LRRTM3: variants seen among roughly 807,000 people sequenced by gnomAD.
LRRTM3 encodes leucine-rich repeat transmembrane neuronal protein 3.
Under a neutral mutation model 44.7 loss-of-function variants are expected in LRRTM3, and 24 were observed. That is an observed-to-expected ratio of 0.54 (90% CI 0.39 to 0.76). LRRTM3 has a LOEUF of 0.76. Ranked by LOEUF, LRRTM3 falls within the 30% of genes least tolerant of loss-of-function variation. LRRTM3 has a pLI of 0.00. For synonymous variants in LRRTM3, 277 were observed against 278.7 expected, an observed-to-expected ratio of 0.99 and a Z score of 0.06; for missense variants, 587 against 702.2, an observed-to-expected ratio of 0.84 and a Z score of 1.85.
At chr10:67,056,892 A>C (rs1855464864) in intron 2 of LRRTM3, among the ~76,000 whole-genome samples, 1 of 152,184 alleles carries the variant, frequency 6.6e-6, no homozygotes, top group Admixed American at 6.6e-5. Flanking sequence ...GTGAGAGAGC[A>C]AGGATTATGT....
Position 67,100,320 on chromosome 10 carries a change from G to A in LRRTM3, c.*2524G>A, listed in dbSNP as rs1589738918. On this transcript the variant is annotated 3_prime_UTR_variant, in exon 3 of 3. Coordinates refer to ENST00000361320, the MANE Select transcript of LRRTM3 (RefSeq NM_178011.5). The stretch of plus-strand genomic sequence containing the variant: ...ACACCAAATACGCCAGGAATTTTGA[G>A]ACTTCTCATCTTTAAATTCAACCAA... 6.6e-6 allele frequency among the ~76,000 whole-genome samples: 1 copy of A among 151,638 alleles called. No individual in the cohort carries two copies. The highest frequency in any genetic ancestry group is 2.1e-4 in the South Asian group (1 of 4,830).
At chr10:67,096,667 T>C (rs184857381) in intron 2 of LRRTM3, among the ~76,000 whole-genome samples, 32 of 151,974 alleles carry the variant, frequency 2.1e-4, no homozygotes, top group Admixed American at 9.9e-4. Context: ...TATCTGATTA[T>C]ATTTCAGGCT....
chr10:67,044,425 T>G (rs1299723425), intron 2 of LRRTM3, among the ~76,000 whole-genome samples: 1 of 152,164 alleles, frequency 6.6e-6, no homozygotes, highest in Non-Finnish European at 1.5e-5. Context: ...TAATAAAAAC[T>G]TGCTTTTAAG....
At chr10:66,954,496 A>G (rs1387651385) in intron 2 of LRRTM3, among the ~76,000 whole-genome samples, 1 of 152,276 alleles carries the variant, frequency 6.6e-6, no homozygotes, top group African/African-American at 2.4e-5. Flanking sequence ...CGGTCCCGCA[A>G]TGGATTACAA....
intron 2 of LRRTM3, among the ~76,000 whole-genome samples, chr10:67,025,193 C>G (rs1209980113): frequency 2.0e-5 from 3 of 149,024 alleles, no homozygotes; most frequent in African/African-American, 7.4e-5. Context: ...AAAGAAACCA[C>G]AAGAAATATT....
chr10:66,989,522 G>A lies in LRRTM3; in HGVS notation c.1536+61070G>A, dbSNP rs2132927052. ...ATGGTTTGATTGTTATATATGTTTG[G>A]TCATGTGGGATTAGCCTGATACATG... On this transcript the variant is annotated intron_variant, in intron 2 of 2. Coordinates refer to ENST00000361320, the MANE Select transcript of LRRTM3 (RefSeq NM_178011.5). Among the ~76,000 whole-genome samples, 3 of 152,186 alleles carry A rather than the reference G, an allele frequency of 2.0e-5. No individual in the cohort carries two copies. In the South Asian group the frequency reaches 6.2e-4, roughly 32 times the overall value.
intron 2 of LRRTM3, among the ~76,000 whole-genome samples, chr10:67,030,106 ATC>A (rs576570822): frequency 6.6e-6 from 1 of 152,246 alleles, no homozygotes; most frequent in Non-Finnish European, 1.5e-5. Context: ...CATCAAAATA[ATC>A]TGTTTTCAAA....
chr10:67,007,610 C>CT (rs957197890), intron 2 of LRRTM3, among the ~76,000 whole-genome samples: 1 of 151,882 alleles, frequency 6.6e-6, no homozygotes, highest in African/African-American at 2.4e-5. Flanking sequence ...AAGGTAAAGG[C>CT]TTTTTTCTGA....
Position 66,928,250 on chromosome 10 carries a change from A to G in LRRTM3, c.1334A>G (p.Tyr445Cys). ...GTTATCTACGTGTCATGGAAGCGGT[A>G]CCCTGCGAGCATGAAGCAGCTGCAG... ...LLVIYVSWKR[Y>C]PASMKQLQQR... The change falls in exon 2 of 3, where the codon TAC (tyrosine) becomes TGC (cysteine). Residue 445 changes from tyrosine (Y) to cysteine (C), a missense_variant. Tyr to Cys is a radical substitution (Grantham distance 194). This residue lies in a region of LRRTM3 where 315 missense variants were observed against 335.6 expected (regional missense o/e 0.94). Transcript: ENST00000361320. 6.2e-7 allele frequency: 1 copy of G among 1,614,152 alleles called. No homozygotes were observed. The highest frequency in any genetic ancestry group is 1.1e-5 in the South Asian group (1 of 91,080).
At chr10:67,094,353 G>C (rs1250777254) in intron 2 of LRRTM3, among the ~76,000 whole-genome samples, 1 of 151,662 alleles carries the variant, frequency 6.6e-6, no homozygotes, top group Non-Finnish European at 1.5e-5. Flanking sequence ...ATTAAACAGT[G>C]AACTAGGTCT....
intron 2 of LRRTM3, among the ~76,000 whole-genome samples, chr10:67,097,072 T>C (rs936278208): frequency 6.6e-6 from 1 of 151,904 alleles, no homozygotes; most frequent in Non-Finnish European, 1.5e-5. Context: ...GTAAGACATG[T>C]GGATTCCAGG....
At chr10:67,083,813 CT>C (rs1289224184) in intron 2 of LRRTM3, among the ~76,000 whole-genome samples, 3 of 152,110 alleles carry the variant, frequency 2.0e-5, no homozygotes, top group African/African-American at 7.2e-5. Flanking sequence ...CCATTACATA[CT>C]TTTTAAGAGT....
intron 2 of LRRTM3, among the ~76,000 whole-genome samples, chr10:67,000,558 A>G (rs1378990424): frequency 1.3e-5 from 2 of 152,022 alleles, no homozygotes; most frequent in Non-Finnish European, 2.9e-5. Context: ...TACACCAATC[A>G]CCTCCTCCAA....
At chr10:66,983,507 G>A (rs930711208) in intron 2 of LRRTM3, among the ~76,000 whole-genome samples, 41 of 152,122 alleles carry the variant, frequency 2.7e-4, no homozygotes, top group African/African-American at 9.7e-4. Flanking sequence ...TTGTGATTGT[G>A]GTTCTTAATA....
At chr10:67,021,249 C>A (rs1852992004) in intron 2 of LRRTM3, among the ~76,000 whole-genome samples, 1 of 152,030 alleles carries the variant, frequency 6.6e-6, no homozygotes, top group Non-Finnish European at 1.5e-5. Context: ...AATTATTAAG[C>A]AAAGATATAT....
intron 2 of LRRTM3, among the ~76,000 whole-genome samples, chr10:66,993,008 G>A (rs931678132): frequency 6.6e-6 from 1 of 152,006 alleles, no homozygotes; most frequent in African/African-American, 2.4e-5. Flanking sequence ...AAACAGTGGA[G>A]GTTTTCTAAA....
intron 2 of LRRTM3, among the ~76,000 whole-genome samples, chr10:66,929,149 G>A (rs115529390): frequency 7.7e-4 from 117 of 152,244 alleles, no homozygotes; most frequent in African/African-American, 2.8e-3. Context: ...TAAAGTTTTC[G>A]ACTCAGCCTT....
At chr10:67,084,900 T>C (rs992226701) in intron 2 of LRRTM3, among the ~76,000 whole-genome samples, 2 of 151,904 alleles carry the variant, frequency 1.3e-5, no homozygotes, top group African/African-American at 2.4e-5. Flanking sequence ...GAAAACCAGT[T>C]TAAAATAATT....
intron 2 of LRRTM3, among the ~76,000 whole-genome samples, chr10:67,070,657 G>A (rs530056032): frequency 1.3e-5 from 2 of 151,996 alleles, no homozygotes; most frequent in South Asian, 4.2e-4. Context: ...TGAGGCAGGG[G>A]AATCGCTTGA....
Sources: allele counts gnomAD v4.1 joint callset (sites outside exome capture counted in the v4.1 genomes callset), GRCh38; gene constraint gnomAD v4.1.1; regional missense constraint gnomAD v4.1.1; transcripts MANE v1.5; gene names NCBI Gene and HGNC (gene_info 2026-07-23, HGNC 2026-07-21).